Variants in DOCK2 observed in about 807,000 individuals in gnomAD.
DOCK2 encodes the protein dedicator of cytokinesis 2, also known as dedicator of cytokinesis protein 2.
DOCK2 carries 87 observed loss-of-function variants against 248.9 expected under a neutral mutation model. That is an observed-to-expected ratio of 0.35 (90% CI 0.29 to 0.42). DOCK2 has a LOEUF of 0.42. Ranked by LOEUF, DOCK2 falls within the 10% of genes least tolerant of loss-of-function variation. The pLI, the probability that DOCK2 is intolerant of heterozygous loss-of-function variation, is 1.00. For missense variants in DOCK2, 1,747 were observed against 2,300.2 expected (o/e 0.76, Z 4.92); for synonymous variants, 805 against 821.6 (o/e 0.98, Z 0.35).
chr5:170,045,775 G>C, intron 38 of DOCK2, 41 bp from the exon 39 acceptor site: 2 of 1,599,462 alleles, frequency 1.3e-6, no homozygotes, highest in South Asian at 1.1e-5. Context: ...CTGCAAACCC[G>C]GTGGTGCCAC....
intron 29 of DOCK2, among the ~76,000 whole-genome samples, chr5:169,993,817 A>T (rs1778269368): frequency 1.3e-5 from 2 of 152,194 alleles, no homozygotes; most frequent in Non-Finnish European, 2.9e-5. Flanking sequence ...ACAGGCCAGA[A>T]GTACCAGGGA....
At chr5:169,645,359 A>T (rs1757400746) in intron 1 of DOCK2, among the ~76,000 whole-genome samples, 1 of 152,130 alleles carries the variant, frequency 6.6e-6, no homozygotes, top group Non-Finnish European at 1.5e-5. Context: ...CTCATTGTGC[A>T]TTTCTCAGAT....
chr5:169,757,747 C>A (rs1232192123), intron 23 of DOCK2, among the ~76,000 whole-genome samples: 1 of 151,792 alleles, frequency 6.6e-6, no homozygotes, highest in African/African-American at 2.4e-5. Flanking sequence ...GAAAAAAATA[C>A]CCAAAATAAG....
chr5:169,971,315 A>G (rs1777500619), intron 27 of DOCK2, among the ~76,000 whole-genome samples: 1 of 152,174 alleles, frequency 6.6e-6, no homozygotes, highest in African/African-American at 2.4e-5. Flanking sequence ...GGGGCCTGAC[A>G]GGAAGCACAA....
At chr5:169,724,047 G>A (rs901289567) in intron 22 of DOCK2, among the ~76,000 whole-genome samples, 3 of 152,194 alleles carry the variant, frequency 2.0e-5, no homozygotes, top group African/African-American at 7.2e-5. Context: ...AGCAGAGTGA[G>A]GCTTTGCACT....
At chr5:169,834,717 G>T (rs1442082322) in intron 26 of DOCK2, among the ~76,000 whole-genome samples, 2 of 151,960 alleles carry the variant, frequency 1.3e-5, no homozygotes, top group African/African-American at 4.8e-5. Flanking sequence ...AGATCACCCT[G>T]CAATAAGCTC....
intron 47 of DOCK2, 78 bp downstream of exon 47, chr5:170,076,162 G>T: frequency 6.4e-7 from 1 of 1,553,398 alleles, no homozygotes; most frequent in Non-Finnish European, 8.7e-7. Flanking sequence ...GCTGAAGTTG[G>T]AGGGGATCCA....
chr5:169,966,359 T>C (rs760727610), intron 27 of DOCK2, among the ~76,000 whole-genome samples: 10 of 152,222 alleles, frequency 6.6e-5, no homozygotes, highest in Non-Finnish European at 1.3e-4. Flanking sequence ...TGTGCCTGTG[T>C]AGCTTTACCA....
At chr5:169,788,583 T>C (rs1766134079) in intron 25 of DOCK2, among the ~76,000 whole-genome samples, 1 of 152,212 alleles carries the variant, frequency 6.6e-6, no homozygotes, top group Admixed American at 6.5e-5. Context: ...ATCCTAATGA[T>C]CAACAAACTC....
intron 22 of DOCK2, among the ~76,000 whole-genome samples, chr5:169,742,706 G>C (rs941393681): frequency 6.6e-6 from 1 of 152,188 alleles, no homozygotes; most frequent in African/African-American, 2.4e-5. Flanking sequence ...TTGGGCTGAG[G>C]CTTTATGTAC....
At chr5:169,944,493 G>A (rs1206012832) in intron 27 of DOCK2, among the ~76,000 whole-genome samples, 1 of 152,220 alleles carries the variant, frequency 6.6e-6, no homozygotes, top group Non-Finnish European at 1.5e-5. Context: ...GAGGGAGGGA[G>A]AGCAGCCAGG....
intron 27 of DOCK2, among the ~76,000 whole-genome samples, chr5:169,964,800 T>G (rs188086769): frequency 2.0e-5 from 3 of 152,348 alleles, no homozygotes; most frequent in Admixed American, 2.0e-4. Flanking sequence ...AAAAGGTGTA[T>G]AATAATGGCA....
chr5:169,866,396 A>C (rs1771559882), intron 27 of DOCK2, among the ~76,000 whole-genome samples: 2 of 152,246 alleles, frequency 1.3e-5, no homozygotes, highest in Admixed American at 1.3e-4. Context: ...TCCCACTTCC[A>C]GGCTATGGTG....
intron 37 of DOCK2, among the ~76,000 whole-genome samples, chr5:170,041,480 CAG>C (rs1403386595): frequency 2.8e-4 from 42 of 152,172 alleles, no homozygotes; most frequent in African/African-American, 1.0e-3. Flanking sequence ...GGAAAAAAAT[CAG>C]AATGATTTCC....
At chr5:169,984,660 C>T (rs964441771) in intron 28 of DOCK2, among the ~76,000 whole-genome samples, 19 of 152,146 alleles carry the variant, frequency 1.2e-4, no homozygotes, top group East Asian at 5.8e-4. Context: ...CACACACGTG[C>T]GCACACACAC....
intron 26 of DOCK2, among the ~76,000 whole-genome samples, chr5:169,832,498 G>C (rs1263713740): frequency 6.6e-6 from 1 of 152,184 alleles, no homozygotes; most frequent in Non-Finnish European, 1.5e-5. Flanking sequence ...TCGCTGAGCT[G>C]TCTCTGTCCC....
intron 1 of DOCK2, among the ~76,000 whole-genome samples, chr5:169,641,781 C>T (rs1271871095): frequency 1.3e-5 from 2 of 152,212 alleles, no homozygotes; most frequent in African/African-American, 2.4e-5. Context: ...TACTCTAATA[C>T]CACAGTGGTG....
chr5:169,840,692 C>G, intron 26 of DOCK2, 65 bp from the exon 27 acceptor site: 1 of 1,488,762 alleles, frequency 6.7e-7, no homozygotes. Flanking sequence ...TTGTCTGTGT[C>G]CTTTGTACAA....
At chr5:169,975,162 T>C (rs1777672456) in intron 27 of DOCK2, among the ~76,000 whole-genome samples, 1 of 152,232 alleles carries the variant, frequency 6.6e-6, no homozygotes, top group South Asian at 2.1e-4. Context: ...AAGAAATGCT[T>C]GCTGAAGAGT....
Sources: allele counts gnomAD v4.1 joint callset (sites outside exome capture counted in the v4.1 genomes callset), GRCh38; gene constraint gnomAD v4.1.1; transcripts MANE v1.5; gene names NCBI Gene and HGNC (gene_info 2026-07-23, HGNC 2026-07-21).